FGFR2: variants seen among roughly 807,000 people sequenced by gnomAD.
FGFR2 encodes fibroblast growth factor receptor 2.
In FGFR2, 19 loss-of-function variants were observed where a neutral mutation model predicts 95.9. That is an observed-to-expected ratio of 0.20 (90% CI 0.14 to 0.29). The LOEUF is 0.29. Ranked by LOEUF, FGFR2 falls within the 10% of genes least tolerant of loss-of-function variation. The pLI is 1.00. For synonymous variants in FGFR2, 392 were observed against 393.3 expected, an observed-to-expected ratio of 1.00 and a Z score of 0.04; for missense variants, 707 against 1,056.9, an observed-to-expected ratio of 0.67 and a Z score of 4.59.
chr10:121,534,624 G>A (rs1049260447), intron 6 of FGFR2, among the ~76,000 whole-genome samples: 3 of 151,050 alleles, frequency 2.0e-5, no homozygotes, highest in African/African-American at 7.3e-5. Flanking sequence ...TCTAACTGCT[G>A]ACCTTAGGTG....
At chr10:121,557,326 A>G (rs543341890) in intron 4 of FGFR2, among the ~76,000 whole-genome samples, 2 of 152,286 alleles carry the variant, frequency 1.3e-5, no homozygotes, top group Admixed American at 6.5e-5. Flanking sequence ...CTTCTTTTTA[A>G]GAGACAGGGT....
intron 13 of FGFR2, among the ~76,000 whole-genome samples, chr10:121,493,323 T>A (rs963030444): frequency 6.6e-6 from 1 of 152,220 alleles, no homozygotes; most frequent in African/African-American, 2.4e-5. Context: ...GCATTTGCCC[T>A]GCTTAGCAAA....
At chr10:121,507,814 C>G (rs941739225) in intron 9 of FGFR2, among the ~76,000 whole-genome samples, 1 of 152,106 alleles carries the variant, frequency 6.6e-6, no homozygotes, top group Non-Finnish European at 1.5e-5. Context: ...TAACTTGGAG[C>G]GTTTGGAGCC....
chr10:121,562,617 A>G (rs1045186202), intron 4 of FGFR2, among the ~76,000 whole-genome samples: 1 of 152,176 alleles, frequency 6.6e-6, no homozygotes, highest in African/African-American at 2.4e-5. Context: ...ACGGGTAAAT[A>G]AACTTTGATA....
chr10:121,593,967 A>T lies in FGFR2; in HGVS notation c.-150T>A, dbSNP rs1863073896. ...AGGCGCTGCCGCTGCTGCTGCAGTC[A>T]CTAAAGGAAAGAGATTGGCGAGTCA... On this transcript the variant is annotated splice_region_variant and 5_prime_UTR_variant, in exon 2 of 18. Transcript: ENST00000358487. 1 of 743,518 alleles carries T rather than the reference A, an allele frequency of 1.3e-6. No individual in the cohort carries two copies. Among genetic ancestry groups the T allele is most frequent in the Non-Finnish European group, 2.4e-6 (1 of 415,052 alleles). 46.1% of individuals were successfully genotyped at this position (743,518 alleles called of 1,614,324 possible).
chr10:121,502,557 C>A (rs754696417), intron 10 of FGFR2, among the ~76,000 whole-genome samples: 8 of 152,210 alleles, frequency 5.3e-5, no homozygotes, highest in Non-Finnish European at 1.0e-4. Flanking sequence ...GAAGTGCCAG[C>A]CACATAAGCT....
At chr10:121,569,795 C>G (rs770444527) in intron 2 of FGFR2, among the ~76,000 whole-genome samples, 3 of 152,218 alleles carry the variant, frequency 2.0e-5, no homozygotes, top group Non-Finnish European at 2.9e-5. Flanking sequence ...AAAGCAAGGA[C>G]TCCTCCCTCC....
chr10:121,547,535 C>G (rs1013322441), intron 5 of FGFR2, among the ~76,000 whole-genome samples: 5 of 151,778 alleles, frequency 3.3e-5, no homozygotes, highest in African/African-American at 1.2e-4. Context: ...GCTGGGACTA[C>G]AGGTGAGCAC....
chr10:121,582,681 G>A (rs7908157), intron 2 of FGFR2, among the ~76,000 whole-genome samples: 6 of 152,256 alleles, frequency 3.9e-5, no homozygotes, highest in African/African-American at 1.2e-4. Flanking sequence ...TACTCTAGAC[G>A]CTGAGGCAGG....
intron 14 of FGFR2, 148 bp from the exon 15 acceptor site, chr10:121,487,572 C>A: frequency 1.4e-6 from 1 of 715,642 alleles, no homozygotes; most frequent in Non-Finnish European, 2.5e-6. Flanking sequence ...CAATGAGGAC[C>A]ATGAACAATG....
In FGFR2 at chr10:121,496,694, G is replaced by A. The variant is rs1215118827; in HGVS notation, c.1701C>T (p.Ala567=). The A allele has an allele frequency of 6.2e-7, 1 of 1,611,630 alleles. No individual in the cohort carries two copies. Among genetic ancestry groups the A allele is most frequent in the South Asian group, 1.1e-5 (1 of 90,918 alleles). The stretch of plus-strand genomic sequence containing the variant: ...GGTATTCTCGGAGGTTGCCTTTAGA[G>A]GCATACTCAACTATGACATAGAGAG... ...DGPLYVIVEY[A]SKGNLREYLR... The change falls in exon 13 of 18, where the codon GCC becomes GCT. Residue 567 remains alanine, a synonymous_variant. Coordinates refer to ENST00000358487, the MANE Select transcript of FGFR2 (RefSeq NM_000141.5).
At chr10:121,509,477 C>CTTTT in intron 9 of FGFR2, among the ~76,000 whole-genome samples, 1 of 45,896 alleles carries the variant, frequency 2.2e-5, no homozygotes. Flanking sequence ...TTATCTGTTT[C>CTTTT]TTTTCTTTTT....
chr10:121,565,892 G>A (rs1590015369), intron 2 of FGFR2, 188 bp from the exon 3 acceptor site: 2 of 657,662 alleles, frequency 3.0e-6, no homozygotes, highest in Non-Finnish European at 5.3e-6. Flanking sequence ...AGAGCAACCA[G>A]AGGATACCCC....
At chr10:121,522,750 A>T (rs2912765) in intron 6 of FGFR2, among the ~76,000 whole-genome samples, 145,044 of 152,234 alleles carry the variant, frequency 0.95, 69,505 homozygotes, top group Middle Eastern at 1. Flanking sequence ...ATGTGTCCAT[A>T]CATGAATACA....
intron 9 of FGFR2, among the ~76,000 whole-genome samples, chr10:121,511,682 G>A (rs1849076790): frequency 6.6e-6 from 1 of 152,118 alleles, no homozygotes; most frequent in South Asian, 2.1e-4. Context: ...CCCTGACACT[G>A]AATGTGACAT....
chr10:121,524,807 G>A (rs1389722799), intron 6 of FGFR2, among the ~76,000 whole-genome samples: 1 of 152,188 alleles, frequency 6.6e-6, no homozygotes, highest in Non-Finnish European at 1.5e-5. Context: ...ATGACCCAAA[G>A]AGCTCATGTG....
intron 9 of FGFR2, among the ~76,000 whole-genome samples, chr10:121,511,009 T>G (rs572444519): frequency 6.6e-6 from 1 of 152,016 alleles, no homozygotes; most frequent in South Asian, 2.1e-4. Context: ...CACTATATGT[T>G]GGCCAGGCTG....
intron 2 of FGFR2, among the ~76,000 whole-genome samples, chr10:121,579,274 G>A (rs569585890): frequency 2.7e-4 from 41 of 152,304 alleles, no homozygotes; most frequent in African/African-American, 9.6e-4. Flanking sequence ...CCTGGCGGGC[G>A]GTTGGAGGTA....
intron 6 of FGFR2, chr10:121,537,918 A>G (rs1853096787): frequency 5.8e-6 from 1 of 171,218 alleles, no homozygotes; most frequent in Admixed American, 5.5e-5. Flanking sequence ...CCATCATCAC[A>G]GGCAAAACCT....
Sources: gnomAD v4.1 joint callset for allele counts (sites outside exome capture counted in the v4.1 genomes callset) on GRCh38, gnomAD v4.1.1 for gene constraint, MANE v1.5 for transcripts, NCBI Gene and HGNC (gene_info 2026-07-23, HGNC 2026-07-21) for gene names.